Variants in KRT79 observed in about 807,000 individuals in gnomAD.
KRT79 encodes the protein keratin 79.
In KRT79, 51 loss-of-function variants were observed where a neutral mutation model predicts 49.0. The ratio of observed to expected loss-of-function variants is 1.04; its 90% CI spans 0.83 to 1.31. KRT79 has a LOEUF of 1.31. Among genes scored for constraint, KRT79 ranks in the 40% most tolerant of loss-of-function variants. The pLI, the probability that KRT79 is intolerant of heterozygous loss-of-function variation, is 0.00. For synonymous variants in KRT79, 312 were observed against 286.6 expected (o/e 1.09, Z -0.90); for missense variants, 728 against 688.0 (o/e 1.06, Z -0.65).
chr12:52,834,186 A>C lies in KRT79; in HGVS notation c.75T>G (p.Ser25Arg), dbSNP rs1330323086. ...TGAAGCTGGTGCGGGCCTGGGACCC[A>C]CTCCCTCCGCTGGCAGAGTTGGAGC... ...GFSSNSASGGSGSQARTSFSS... is the reference protein window; with the variant it reads ...GFSSNSASGGRGSQARTSFSS... Residue 25 changes from serine (S) to arginine (R), a missense_variant, in exon 1 of 9, where the codon AGT (serine) becomes AGG (arginine). Ser to Arg is a moderately radical substitution (Grantham distance 110). Transcript: ENST00000330553. 1 of 1,612,424 alleles carries C rather than the reference A, an allele frequency of 6.2e-7. No homozygotes were observed. The highest frequency in any genetic ancestry group is 2.2e-5 in the East Asian group (1 of 44,774).
chr12:52,826,070 G>A (rs1490105312), intron 4 of KRT79, among the ~76,000 whole-genome samples: 1 of 152,074 alleles, frequency 6.6e-6, no homozygotes, highest in Non-Finnish European at 1.5e-5. Context: ...TGAACTGTCA[G>A]CATCATCTTG....
At position 52,823,988 on chromosome 12, in the gene KRT79, CA is replaced by C. The variant is rs1404167751; in HGVS notation, c.1044del (p.Lys350SerfsTer73). 1 of 1,614,040 alleles carries C rather than the reference CA, an allele frequency of 6.2e-7. No homozygotes were observed. The highest frequency in any genetic ancestry group is 1.7e-5 in the Admixed American group (1 of 60,010). The part of the protein sequence containing the change: ...QTKYEELQVT[A>X]GKHGDNLRDT... ...TCCCGCAGGTTGTCCCCATGCTTCC[CA>C]GCAGTCACCTGCAGCTCCTCATACT... On this transcript the variant is annotated frameshift_variant, in exon 6 of 9. Transcript: ENST00000330553. LOFTEE classifies it high-confidence loss of function.
Position 52,821,706 on chromosome 12 carries a change from G to C in KRT79, c.*166C>G. ...TACTGCAGGACCAAGGAGAAAACCT[G>C]AGTAGATTTGAGCGCTTCCCAAGAT... On this transcript the variant is annotated 3_prime_UTR_variant, in exon 9 of 9. Transcript: ENST00000330553. The C allele has an allele frequency of 1.5e-6, 1 of 647,482 alleles. No homozygotes were observed. Among genetic ancestry groups the C allele is most frequent in the Non-Finnish European group, 2.7e-6 (1 of 373,472 alleles). The allele number at this position is 647,482 out of a possible 1,614,324, so 40.1% of individuals were successfully genotyped here.
At chr12:52,822,298 T>G in intron 8 of KRT79, 47 bp downstream of exon 8, 1 of 1,587,992 alleles carries the variant, frequency 6.3e-7, no homozygotes. Context: ...AGCAGAGTTC[T>G]GGGGCCTGGC....
Position 52,822,390 on chromosome 12 carries a change from C to T in KRT79, c.1368-11G>A. On this transcript the variant is annotated splice_polypyrimidine_tract_variant and intron_variant, in intron 7 of 8. Coordinates refer to ENST00000330553, the MANE Select transcript of KRT79 (RefSeq NM_175834.3). ...CATTCTCCAGACATCCTAGGGGACA[C>T]AGAAAGGCCAGGAGAGCAGTCAGTT... 2.5e-6 allele frequency: 4 copies of T among 1,577,418 alleles called. No individual in the cohort carries two copies. Among genetic ancestry groups the T allele is most frequent in the Non-Finnish European group, 3.4e-6 (4 of 1,160,404 alleles).
chr12:52,821,891 G>C lies in KRT79; in HGVS notation c.1589C>G (p.Thr530Arg). ...CAGCAGCTAATACCTCTGGCTGGAC[G>C]TCTTGACCGTAGTGGTCTTCCGCAG... ...SILRKTTTVK[T>R]SSQRY Residue 530 changes from threonine (T) to arginine (R), a missense_variant, in exon 9 of 9, where the codon ACG becomes AGG. Transcript: ENST00000330553. 1 of 1,614,066 alleles carries C rather than the reference G, an allele frequency of 6.2e-7. No individual in the cohort carries two copies. The highest frequency in any genetic ancestry group is 2.2e-5 in the East Asian group (1 of 44,866).
At position 52,833,872 on chromosome 12, in the gene KRT79, T is replaced by C. The variant is rs773625334; in HGVS notation, c.389A>G (p.Glu130Gly). The change falls in exon 1 of 9, where the codon GAG (glutamate) becomes GGG (glycine). Residue 130 changes from glutamate to glycine, a missense_variant. Transcript: ENST00000330553. ...NQSLLTPLHV[E>G]IDPEIQRVRT... ...CACTCGCTGGATCTCGGGGTCAATC[T>C]CCACATGGAGGGGGGTCAGCAGGCT... 1.2e-5 allele frequency: 20 copies of C among 1,613,746 alleles called. No homozygotes were observed. The highest frequency in any genetic ancestry group is 1.7e-5 in the Non-Finnish European group (20 of 1,179,960).
chr12:52,822,275 G>A (rs755137312), intron 8 of KRT79, 70 bp downstream of exon 8: 60 of 1,503,190 alleles, frequency 4.0e-5, no homozygotes, highest in Non-Finnish European at 5.4e-5. Flanking sequence ...ACAGGTACAG[G>A]TTGCATAAAC....
Position 52,833,784 on chromosome 12 carries a change from C to T in KRT79, c.477G>A (p.Lys159=). The change falls in exon 1 of 9, where the codon AAG becomes AAA. Residue 159 remains lysine, a splice_region_variant and synonymous_variant. Transcript: ENST00000330553. ...LNNKFASFID[K]VRFLEQQNKV... ...CCTTCCTCCTTCCTGCTTGGCCCAC[C>T]TTGTCGATGAAGGAGGCGAACTTGT... 6.2e-7 allele frequency: 1 copy of T among 1,612,910 alleles called. No individual in the cohort carries two copies. Among genetic ancestry groups the T allele is most frequent in the Non-Finnish European group, 8.5e-7 (1 of 1,179,022 alleles).
chr12:52,821,986 C>A lies in KRT79; in HGVS notation c.1494G>T (p.Lys498Asn). ...AGCCCACATTTGTGCTGAATCCACC[C>A]TTGGTGGCCCCCCCACTCCCACCCA... Reference protein sequence around the residue: ...ISLGGSGGATKGGFSTNVGYS... With the variant: ...ISLGGSGGATNGGFSTNVGYS... The change falls in exon 9 of 9, where the codon AAG (lysine) becomes AAT (asparagine). Residue 498 changes from lysine to asparagine, a missense_variant. Coordinates refer to ENST00000330553, the MANE Select transcript of KRT79 (RefSeq NM_175834.3). 6.2e-7 allele frequency: 1 copy of A among 1,614,196 alleles called. No individual in the cohort carries two copies. Among genetic ancestry groups the A allele is most frequent in the Non-Finnish European group, 8.5e-7 (1 of 1,180,026 alleles).
At position 52,824,034 on chromosome 12, in the gene KRT79, G is replaced by A. The variant is rs1277057403; in HGVS notation, c.1021-22C>T. On this transcript the variant is annotated intron_variant, in intron 5 of 8. Transcript: ENST00000330553. ...CATACTGGGGACCAAAGAAGTGGCAGTGCGCTTTCAAATGGCCCCAGCCCA... is the reference window on the plus strand; with the variant it reads ...CATACTGGGGACCAAAGAAGTGGCAATGCGCTTTCAAATGGCCCCAGCCCA... The A allele has an allele frequency of 1.9e-6, 3 of 1,614,032 alleles. No individual in the cohort carries two copies. The South Asian group carries it at 3.3e-5, about 18-fold the overall frequency.
chr12:52,827,845 G>A (rs527661035), intron 4 of KRT79, among the ~76,000 whole-genome samples: 4 of 152,120 alleles, frequency 2.6e-5, no homozygotes, highest in Non-Finnish European at 5.9e-5. Context: ...AGAGGAAATG[G>A]GAACCCAAGA....
In KRT79 at chr12:52,830,040, G is replaced by T; in HGVS notation, c.838C>A (p.Gln280Lys). Reference protein sequence around the residue: ...GTLTQEIDFLQQLYEMELSQV... With the variant: ...GTLTQEIDFLKQLYEMELSQV... The stretch of plus-strand genomic sequence containing the variant: ...CACCTCACCATTTCATAGAGTTGCT[G>T]CAGGAAGTCAATCTCCTGGGTCAAG... The change falls in exon 4 of 9, where the codon CAG (glutamine) becomes AAG (lysine). Residue 280 changes from glutamine (Q) to lysine (K), a missense_variant. Physicochemically the swap from Gln to Lys is moderately conservative, Grantham distance 53. Transcript: ENST00000330553. 2.5e-6 allele frequency: 4 copies of T among 1,614,172 alleles called. No homozygotes were observed. The highest frequency in any genetic ancestry group is 3.4e-6 in the Non-Finnish European group (4 of 1,180,012).
rs770195713 is a variant in KRT79 at position 52,821,892 on chromosome 12, T to C, written c.1588A>G (p.Thr530Ala). ...AGCAGCTAATACCTCTGGCTGGACG[T>C]CTTGACCGTAGTGGTCTTCCGCAGG... ...SILRKTTTVK[T>A]SSQRY The change falls in exon 9 of 9, where the codon ACG becomes GCG. Residue 530 changes from threonine to alanine, a missense_variant. Thr to Ala is a moderately conservative substitution (Grantham distance 58). Transcript: ENST00000330553. 1 of 1,613,870 alleles carries C rather than the reference T, an allele frequency of 6.2e-7. No individual in the cohort carries two copies. The highest frequency in any genetic ancestry group is 8.5e-7 in the Non-Finnish European group (1 of 1,179,970).
Position 52,821,884 on chromosome 12 carries a change from G to A in KRT79, c.1596C>T (p.Ser532=). ...LRKTTTVKTS[S]QRY ...CAGGGCTCAGCAGCTAATACCTCTG[G>A]CTGGACGTCTTGACCGTAGTGGTCT... is the stretch of plus-strand genomic sequence containing the variant. The change falls in exon 9 of 9, where the codon AGC becomes AGT. Residue 532 remains serine (S), a synonymous_variant. Coordinates refer to ENST00000330553, the MANE Select transcript of KRT79 (RefSeq NM_175834.3). 6.2e-7 allele frequency: 1 copy of A among 1,613,998 alleles called. No individual in the cohort carries two copies. Among genetic ancestry groups the A allele is most frequent in the Non-Finnish European group, 8.5e-7 (1 of 1,179,990 alleles).
Position 52,823,024 on chromosome 12 carries a change from C to T in KRT79, c.1359G>A (p.Glu453=), listed in dbSNP as rs1940118777. 3 of 1,613,972 alleles carry T rather than the reference C, an allele frequency of 1.9e-6. No homozygotes were observed. The highest frequency in any genetic ancestry group is 1.3e-5 in the African/African-American group (1 of 74,924). The change falls in exon 7 of 9, where the codon GAG becomes GAA. Residue 453 remains glutamate (E), a synonymous_variant. Transcript: ENST00000330553. ...GCAGGAGGGGCCACCACCTGCTCTCCTCGCTCTCCAGAAGCTTGCGGTAGG... is the reference window on the plus strand; with the variant it reads ...GCAGGAGGGGCCACCACCTGCTCTCTTCGCTCTCCAGAAGCTTGCGGTAGG... ...IATYRKLLES[E]ESRMSGECPS...
In KRT79 at chr12:52,821,448, GC is replaced by G. The variant is rs1466911587; in HGVS notation, c.*423del. The G allele has an allele frequency of 4.8e-6, 1 of 206,962 alleles. No individual in the cohort carries two copies. The highest frequency in any genetic ancestry group is 1.3e-4 in the East Asian group (1 of 7,426). The allele number at this position is 206,962 out of a possible 1,614,324, so 12.8% of individuals were successfully genotyped here. A position where few individuals can be genotyped will look rare whatever the true frequency, so the allele number is the denominator to read the frequency against. On this transcript the variant is annotated 3_prime_UTR_variant, in exon 9 of 9. Transcript: ENST00000330553. ...AGACTGCAGCCACAGACAGCTAGCT[GC>G]AGTTGCACCATTTATTGAGACACAG...
Position 52,821,494 on chromosome 12 carries a change from G to A in KRT79, c.*378C>T, listed in dbSNP as rs1351189818. The A allele has an allele frequency of 1.6e-5, 4 of 246,248 alleles. No homozygotes were observed. Among genetic ancestry groups the A allele is most frequent in the African/African-American group, 4.5e-5 (2 of 44,582 alleles). The allele number at this position is 246,248 out of a possible 1,614,324, so 15.3% of individuals were successfully genotyped here. ...ACACAGACAGGGAAGGGGGATGTGG[G>A]TAGATTCAGGGAGAGGGTGGGTCTG... is the stretch of plus-strand genomic sequence containing the variant. On this transcript the variant is annotated 3_prime_UTR_variant, in exon 9 of 9. Coordinates refer to ENST00000330553, the MANE Select transcript of KRT79 (RefSeq NM_175834.3).
chr12:52,831,428 G>T lies in KRT79; in HGVS notation c.676C>A (p.Leu226Ile), dbSNP rs370553909. The T allele has an allele frequency of 1.2e-6, 2 of 1,614,190 alleles. No homozygotes were observed. The highest frequency in any genetic ancestry group is 1.7e-6 in the Non-Finnish European group (2 of 1,180,036). ...LDSELRNVQD[L>I]VEDFKNKYED... is the part of the protein sequence containing the mutation. ...CACTTGTTCTTGAAGTCCTCCACAA[G>T]GTCCTGCACGTTCCTGAGCTCTGAG... Residue 226 changes from leucine to isoleucine, a missense_variant, in exon 2 of 9, where the codon CTT becomes ATT. Physicochemically the swap from Leu to Ile is conservative, Grantham distance 5. Coordinates refer to ENST00000330553, the MANE Select transcript of KRT79 (RefSeq NM_175834.3).
Sources: gnomAD v4.1 joint callset for allele counts (sites outside exome capture counted in the v4.1 genomes callset) on GRCh38, gnomAD v4.1.1 for gene constraint, MANE v1.5 for transcripts, NCBI Gene and HGNC (gene_info 2026-07-23, HGNC 2026-07-21) for gene names.